CHRM3: variants seen among roughly 807,000 people sequenced by gnomAD.
The protein encoded by CHRM3 is muscarinic acetylcholine receptor M3.
CHRM3 carries 11 observed loss-of-function variants against 41.8 expected under a neutral mutation model. The ratio of observed to expected loss-of-function variants is 0.26; its 90% CI spans 0.17 to 0.44. The LOEUF (loss-of-function observed/expected upper bound fraction) is 0.44, where lower values mean the gene tolerates loss of function less well. CHRM3 is among the 20% of genes least tolerant of loss of function. CHRM3 has a pLI of 1.00. For synonymous variants in CHRM3, 297 were observed against 301.4 expected, an observed-to-expected ratio of 0.99 and a Z score of 0.15; for missense variants, 571 against 745.4, an observed-to-expected ratio of 0.77 and a Z score of 2.72.
intron 3 of CHRM3, among the ~76,000 whole-genome samples, chr1:239,582,840 C>T (rs770052401): frequency 3.0e-4 from 45 of 152,160 alleles, no homozygotes; most frequent in Non-Finnish European, 5.7e-4. Context: ...TTGCTCAGAA[C>T]TCTCCAGTGT....
Position 239,908,748 on chromosome 1 carries a change from T to C in CHRM3, c.1297T>C (p.Ser433Pro). The C allele has an allele frequency of 1.2e-6, 2 of 1,613,778 alleles. No homozygotes were observed. Among genetic ancestry groups the C allele is most frequent in the Non-Finnish European group, 1.7e-6 (2 of 1,179,922 alleles). Residue 433 changes from serine to proline, a missense_variant, in exon 7 of 7, where the codon TCA (serine) becomes CCA (proline). Coordinates refer to ENST00000676153, the MANE Select transcript of CHRM3 (RefSeq NM_001375978.1). The surrounding 1 kb of genome is among the most constrained non-coding windows in gnomAD (Gnocchi z 7.2). ...CTCCAAGCTTCCCATCCAGCTAGAG[T>C]CAGCCGTGGACACAGCTAAGACTTC... ...SFSKLPIQLE[S>P]AVDTAKTSDV...
intron 5 of CHRM3, among the ~76,000 whole-genome samples, chr1:239,739,156 A>G (rs1206985974): frequency 6.6e-6 from 1 of 152,130 alleles, no homozygotes; most frequent in Non-Finnish European, 1.5e-5. Flanking sequence ...GCTTTTCAAT[A>G]TTATGTATTT....
At chr1:239,797,622 T>C (rs982742689) in intron 5 of CHRM3, among the ~76,000 whole-genome samples, 1 of 152,212 alleles carries the variant, frequency 6.6e-6, no homozygotes, top group African/African-American at 2.4e-5. Context: ...TCTATTTCCT[T>C]TTGTTCCAAA....
intron 1 of CHRM3, among the ~76,000 whole-genome samples, chr1:239,433,492 A>C (rs1336118505): frequency 1.3e-5 from 2 of 152,056 alleles, no homozygotes; most frequent in Non-Finnish European, 2.9e-5. Context: ...GTTTTTGGGG[A>C]ACAGGTGGTG....
chr1:239,552,526 C>T (rs903448701), intron 3 of CHRM3, among the ~76,000 whole-genome samples: 4 of 142,410 alleles, frequency 2.8e-5, no homozygotes, highest in Admixed American at 1.4e-4. Context: ...TATATATAAA[C>T]GATAAGCTCA....
At chr1:239,764,155 T>C (rs1435706719) in intron 5 of CHRM3, among the ~76,000 whole-genome samples, 1 of 152,170 alleles carries the variant, frequency 6.6e-6, no homozygotes, top group Non-Finnish European at 1.5e-5. Context: ...CTTCCAACTT[T>C]TACCCCATTG....
intron 5 of CHRM3, among the ~76,000 whole-genome samples, chr1:239,717,986 A>T (rs1266081593): frequency 6.6e-6 from 1 of 152,096 alleles, no homozygotes; most frequent in Non-Finnish European, 1.5e-5. Context: ...TTGTTTACTG[A>T]CAAGTAAATG....
intron 5 of CHRM3, among the ~76,000 whole-genome samples, chr1:239,823,139 T>C (rs1672186199): frequency 6.6e-6 from 1 of 152,196 alleles, no homozygotes. Context: ...AGCTCTAACA[T>C]TTGTGCAGCA....
At chr1:239,626,949 G>A (rs1390818278) in intron 3 of CHRM3, among the ~76,000 whole-genome samples, 1 of 60,078 alleles carries the variant, frequency 1.7e-5, no homozygotes, top group African/African-American at 6.5e-5. Flanking sequence ...GAATAGGTGT[G>A]GTGTGGTGCT....
intron 3 of CHRM3, among the ~76,000 whole-genome samples, chr1:239,591,539 A>G (rs1013310809): frequency 6.6e-6 from 1 of 151,742 alleles, no homozygotes; most frequent in Admixed American, 6.6e-5. Flanking sequence ...AGGAAGTGTT[A>G]TTTCTATTTA....
chr1:239,505,839 A>T (rs1192102602), intron 2 of CHRM3, among the ~76,000 whole-genome samples: 1 of 152,176 alleles, frequency 6.6e-6, no homozygotes, highest in Non-Finnish European at 1.5e-5. Flanking sequence ...TGCTGATAGC[A>T]GTATAAGACA....
chr1:239,488,623 G>A (rs1248023015), intron 1 of CHRM3, among the ~76,000 whole-genome samples: 1 of 147,760 alleles, frequency 6.8e-6, no homozygotes, highest in Non-Finnish European at 1.5e-5. Context: ...GCTGAGGCAG[G>A]AGAATGGTGT....
At chr1:239,430,591 C>T (rs1400917810) in intron 1 of CHRM3, among the ~76,000 whole-genome samples, 1 of 151,772 alleles carries the variant, frequency 6.6e-6, no homozygotes, top group Non-Finnish European at 1.5e-5. Flanking sequence ...ACTTGGTAGA[C>T]CCAATTTTAA....
At chr1:239,650,595 A>G (rs566768415) in intron 4 of CHRM3, among the ~76,000 whole-genome samples, 1 of 152,204 alleles carries the variant, frequency 6.6e-6, no homozygotes, top group African/African-American at 2.4e-5. Context: ...AATTTGTAAG[A>G]CAAGGAAGCC....
Position 239,576,584 on chromosome 1 carries a change from A to G in CHRM3, c.-313+30835A>G, listed in dbSNP as rs1662366866. ...AGCAAAACATCATCTCTACACACAC[A>G]CACACACACGCACACACACACACAC... On this transcript the variant is annotated intron_variant, in intron 3 of 6. Coordinates refer to ENST00000676153, the MANE Select transcript of CHRM3 (RefSeq NM_001375978.1). Among the ~76,000 whole-genome samples the G allele has an allele frequency of 2.5e-5, 3 of 122,058 alleles. No homozygotes were observed. The South Asian group carries it at 9.3e-4, about 38-fold the overall frequency. The allele number at this position is 122,058 out of a possible 152,430, so 80.1% of individuals were successfully genotyped here. A position where few individuals can be genotyped will look rare whatever the true frequency, so the allele number is the denominator to read the frequency against.
chr1:239,606,841 T>C (rs957706300), intron 3 of CHRM3, among the ~76,000 whole-genome samples: 1 of 152,146 alleles, frequency 6.6e-6, no homozygotes, highest in Non-Finnish European at 1.5e-5. Context: ...AATGGTCTCT[T>C]CTGTGCACCC....
rs114420875 is a variant in CHRM3, at chr1:239,542,665, G to C, written c.-421-2976G>C. Among the ~76,000 whole-genome samples the C allele has an allele frequency of 5.6e-3, 859 of 152,218 alleles. 10 individuals are homozygous for C. The highest frequency in any genetic ancestry group is 6.8e-3 in the Non-Finnish European group (464 of 68,012). On this transcript the variant is annotated intron_variant, in intron 2 of 6. Coordinates refer to ENST00000676153, the MANE Select transcript of CHRM3 (RefSeq NM_001375978.1). The stretch of plus-strand genomic sequence containing the variant: ...ATGTAGCAAGAATATATCAGAGTTG[G>C]TGTTTAGAGCCAAGTCTTCCAGCTC...
At chr1:239,437,528 CTTTTTA>C (rs1047374885) in intron 1 of CHRM3, among the ~76,000 whole-genome samples, 11 of 152,240 alleles carry the variant, frequency 7.2e-5, no homozygotes, top group Admixed American at 5.2e-4. Flanking sequence ...GAAAGCCTTT[CTTTTTA>C]TTTTTATTTT....
chr1:239,451,824 C>T (rs1021232598), intron 1 of CHRM3, among the ~76,000 whole-genome samples: 8 of 151,916 alleles, frequency 5.3e-5, no homozygotes, highest in African/African-American at 1.5e-4. Context: ...AAGATGTGAT[C>T]TTGTTTTAAA....
Sources: allele counts gnomAD v4.1 joint callset (sites outside exome capture counted in the v4.1 genomes callset), GRCh38; gene constraint gnomAD v4.1.1; non-coding constraint Gnocchi (gnomAD v3.1); transcripts MANE v1.5; gene names NCBI Gene and HGNC (gene_info 2026-07-23, HGNC 2026-07-21).